The following ARFGAP1 variants were observed in gnomAD, a reference collection of about 807,000 sequenced individuals.
The protein encoded by ARFGAP1 is ADP-ribosylation factor GTPase-activating protein 1.
In ARFGAP1, 26 loss-of-function variants were observed where a neutral mutation model predicts 54.0. The ratio of observed to expected loss-of-function variants is 0.48; its 90% CI spans 0.35 to 0.67. The LOEUF (loss-of-function observed/expected upper bound fraction) is 0.67, where lower values mean the gene tolerates loss of function less well. Among genes scored for constraint, ARFGAP1 ranks in the 30% least tolerant of loss-of-function variants. The pLI is 0.00. For synonymous variants in ARFGAP1, 248 were observed against 211.9 expected (o/e 1.17, Z -1.48); for missense variants, 525 against 535.8 (o/e 0.98, Z 0.20).
chr20:63,279,966 C>T (rs940457540), intron 7 of ARFGAP1, among the ~76,000 whole-genome samples: 2 of 152,136 alleles, frequency 1.3e-5, no homozygotes, highest in Admixed American at 1.3e-4. Flanking sequence ...TGGCGAAACC[C>T]CGTCTCTACT....
At chr20:63,272,977 C>T (rs1241042361) in intron 1 of ARFGAP1, 57 bp downstream of exon 1, 2 of 151,884 alleles carry the variant, frequency 1.3e-5, no homozygotes, top group Admixed American at 1.3e-4. Context: ...GCCGCGGCGT[C>T]GTCCCCGGCC....
chr20:63,274,894 C>T (rs1167237793), intron 1 of ARFGAP1, among the ~76,000 whole-genome samples: 9 of 152,228 alleles, frequency 5.9e-5, no homozygotes, highest in African/African-American at 2.2e-4. Context: ...AACCTTGTTG[C>T]TGCTGTCCCA....
At chr20:63,286,494 C>G (rs371385787) in intron 12 of ARFGAP1, 52 bp downstream of exon 12, 1,222 of 1,552,752 alleles carry the variant, frequency 7.9e-4, no homozygotes, top group Non-Finnish European at 8.0e-4. Flanking sequence ...GCCTTGGCCA[C>G]TCCTCCTACA....
rs11906367 is a variant in ARFGAP1, at chr20:63,286,283, G to A, written c.835-83G>A. Reference sequence around the variant, plus strand: ...CTGGGTCTTCTCAGCGGGACGGCGCGTGCCGGCTTGCGTGTGGGGGCCTCC... The same window carrying A: ...CTGGGTCTTCTCAGCGGGACGGCGCATGCCGGCTTGCGTGTGGGGGCCTCC... On this transcript the variant is annotated intron_variant, in intron 11 of 12. Transcript: ENST00000370283. 14,339 of 1,593,642 alleles carry A rather than the reference G, an allele frequency of 9.0e-3. 548 individuals are homozygous for A. The African/African-American group carries it at 0.12, about 13-fold the overall frequency.
rs1286068154 is a variant in ARFGAP1 at position 63,288,354 on chromosome 20, T to C, written c.*481T>C. The C allele has an allele frequency of 8.8e-6, 4 of 456,930 alleles. No individual in the cohort carries two copies. Among genetic ancestry groups the C allele is most frequent in the Non-Finnish European group, 1.8e-5 (4 of 227,624 alleles). 28.3% of individuals were successfully genotyped at this position (456,930 alleles called of 1,614,324 possible). On this transcript the variant is annotated 3_prime_UTR_variant, in exon 13 of 13. Transcript: ENST00000370283. ...GTGACTGGAGTGGTAAAGATGGAAA[T>C]GCTGGAAATGATACTGGCGCTCACG...
At chr20:63,279,914 G>A (rs1221065660) in intron 7 of ARFGAP1, among the ~76,000 whole-genome samples, 6 of 152,170 alleles carry the variant, frequency 3.9e-5, no homozygotes, top group African/African-American at 1.2e-4. Flanking sequence ...CAAGGCGGGC[G>A]GATCACCTGA....
intron 9 of ARFGAP1, chr20:63,283,553 T>C (rs1049424627): frequency 6.7e-6 from 3 of 445,560 alleles, no homozygotes; most frequent in African/African-American, 4.0e-5. Flanking sequence ...CCGTGGCCCA[T>C]ATCACCCCTT....
At chr20:63,277,527 C>T (rs944962517) in intron 5 of ARFGAP1, among the ~76,000 whole-genome samples, 1 of 152,242 alleles carries the variant, frequency 6.6e-6, no homozygotes, top group Non-Finnish European at 1.5e-5. Context: ...AAGCTCCGCA[C>T]GCCTTCCAGG....
chr20:63,275,979 G>A (rs1315672763), intron 2 of ARFGAP1, 112 bp from the exon 3 acceptor site: 5 of 954,880 alleles, frequency 5.2e-6, no homozygotes, highest in African/African-American at 1.6e-5. Context: ...CCACACCCCC[G>A]GCCACCCTGG....
chr20:63,277,077 G>A (rs2067253583), intron 4 of ARFGAP1, 128 bp from the exon 5 acceptor site: 3 of 718,596 alleles, frequency 4.2e-6, no homozygotes, highest in Non-Finnish European at 4.6e-6. Flanking sequence ...GGCCGTCGAG[G>A]GGGCCGGGAG....
intron 6 of ARFGAP1, 180 bp downstream of exon 6, chr20:63,278,383 G>A (rs2067287309): frequency 1.7e-6 from 1 of 598,590 alleles, no homozygotes; most frequent in Non-Finnish European, 2.9e-6. Flanking sequence ...GGGGTCTTGG[G>A]TGTATTGCAG....
At chr20:63,275,042 C>T (rs2067197912) in intron 1 of ARFGAP1, among the ~76,000 whole-genome samples, 1 of 152,204 alleles carries the variant, frequency 6.6e-6, no homozygotes, top group African/African-American at 2.4e-5. Context: ...GCAGGCTGGA[C>T]TTTCCACACA....
At position 63,278,075 on chromosome 20, in the gene ARFGAP1, C is replaced by T. The variant is rs768051371; in HGVS notation, c.444-42C>T. On this transcript the variant is annotated intron_variant, in intron 5 of 12. Coordinates refer to ENST00000370283, the MANE Select transcript of ARFGAP1 (RefSeq NM_018209.4). ...GTGCTTCTGGGGTTACCTCAGACTT[C>T]ACCCAGTTTTGGCCTTACCAGCCTT... 5 of 1,591,910 alleles carry T rather than the reference C, an allele frequency of 3.1e-6. No homozygotes were observed. The Admixed American group carries it at 8.3e-5, about 27-fold the overall frequency.
chr20:63,283,776 C>T (rs1326563871), intron 9 of ARFGAP1: 8 of 1,568,562 alleles, frequency 5.1e-6, no homozygotes, highest in African/African-American at 1.4e-5. Context: ...ATGGTGGGTT[C>T]GAAGGCGCTG....
rs1371900817 is a variant in ARFGAP1 at position 63,285,989 on chromosome 20, C to A, written c.834+276C>A. ...TTCCTCGGTAAGTAAGTGCCAGCGC[C>A]GTCTTTGCTGCCATCAGTCCCACTG... is the stretch of plus-strand genomic sequence containing the variant. On this transcript the variant is annotated intron_variant, in intron 11 of 12. Transcript: ENST00000370283. The A allele has an allele frequency of 1.3e-6, 2 of 1,527,070 alleles. 1 individual carries two copies. Among genetic ancestry groups the A allele is most frequent in the East Asian group, 4.9e-5 (2 of 40,550 alleles). The allele number at this position is 1,527,070 out of a possible 1,614,324, so 94.6% of individuals were successfully genotyped here.
In ARFGAP1 at chr20:63,284,882, A is replaced by G. The variant is rs369800568; in HGVS notation, c.734A>G (p.His245Arg). 36 of 1,612,890 alleles carry G rather than the reference A, an allele frequency of 2.2e-5. No individual in the cohort carries two copies. The African/African-American group carries it at 4.1e-4, about 19-fold the overall frequency. Residue 245 changes from histidine (H) to arginine (R), a missense_variant, in exon 10 of 13, where the codon CAC becomes CGC. Physicochemically the swap from His to Arg is conservative, Grantham distance 29 (BLOSUM62 0). Transcript: ENST00000370283. ...QASQKASELG[H>R]SLNENVLKPA... ...TTCCTACAGGCGTCCGAGCTGGGCCACAGCCTGAACGAGAACGTCCTCAAG... is the reference window on the plus strand; with the variant it reads ...TTCCTACAGGCGTCCGAGCTGGGCCGCAGCCTGAACGAGAACGTCCTCAAG...
At position 63,287,683 on chromosome 20, in the gene ARFGAP1, C is replaced by T. The variant is rs35996749; in HGVS notation, c.1031C>T (p.Pro344Leu). 564 of 1,612,466 alleles carry T rather than the reference C, an allele frequency of 3.5e-4. 3 individuals carry two copies. The African/African-American group carries it at 6.1e-3, about 18-fold the overall frequency. The change falls in exon 13 of 13, where the codon CCG becomes CTG. Residue 344 changes from proline to leucine, a missense_variant. Pro to Leu is a moderately conservative substitution (Grantham distance 98). Coordinates refer to ENST00000370283, the MANE Select transcript of ARFGAP1 (RefSeq NM_018209.4). ...GAGCCCACCAAGACCCGCAAGTCCC[C>T]GAGCAGCGACAGCTGGACGTGCGCG... is the stretch of plus-strand genomic sequence containing the variant. The part of the protein sequence containing the change: ...SAEPTKTRKS[P>L]SSDSWTCADT...
At chr20:63,280,822 G>A (rs145678497) in intron 7 of ARFGAP1, among the ~76,000 whole-genome samples, 112 of 152,366 alleles carry the variant, frequency 7.4e-4, no homozygotes, top group African/African-American at 2.5e-3. Flanking sequence ...GGTGAGTTGT[G>A]ATTGAAATGA....
rs530395963 is a variant in ARFGAP1, at chr20:63,284,591, C to T, written c.718-275C>T. 2.0e-5 allele frequency: 26 copies of T among 1,315,388 alleles called. 1 individual carries two copies. The highest frequency in any genetic ancestry group is 1.2e-4 in the African/African-American group (8 of 66,742). 81.5% of individuals were successfully genotyped at this position (1,315,388 alleles called of 1,614,324 possible). ...GCCTGTTCCCACCAGCCCGGCCCGG[C>T]AGGGCCGCATGGTGGCGCGTGAGGG... On this transcript the variant is annotated intron_variant, in intron 9 of 12. Transcript: ENST00000370283.
Sources: allele counts gnomAD v4.1 joint callset (sites outside exome capture counted in the v4.1 genomes callset), GRCh38; gene constraint gnomAD v4.1.1; transcripts MANE v1.5; gene names NCBI Gene and HGNC (gene_info 2026-07-23, HGNC 2026-07-21).